WDFY1: variants seen among roughly 807,000 people sequenced by gnomAD.
WDFY1 encodes WD repeat and FYVE domain containing 1.
Under a neutral mutation model 56.4 loss-of-function variants are expected in WDFY1, and 32 were observed. The observed-to-expected ratio is 0.57, with a 90% CI of 0.43 to 0.76. The LOEUF (loss-of-function observed/expected upper bound fraction) is 0.76, where lower values mean the gene tolerates loss of function less well. WDFY1 is among the 30% of genes least tolerant of loss of function. The pLI is 0.00. For synonymous variants in WDFY1, 192 were observed against 197.3 expected (o/e 0.97, Z 0.23); for missense variants, 480 against 545.7 (o/e 0.88, Z 1.20).
intron 1 of WDFY1, among the ~76,000 whole-genome samples, chr2:223,942,943 G>A (rs974705492): frequency 1.3e-5 from 2 of 151,376 alleles, no homozygotes; most frequent in African/African-American, 4.8e-5. Flanking sequence ...AACACTTCGG[G>A]AGGCCAAGGC....
At chr2:223,920,339 G>A (rs754532329) in intron 1 of WDFY1, among the ~76,000 whole-genome samples, 3 of 152,220 alleles carry the variant, frequency 2.0e-5, no homozygotes, top group Admixed American at 1.3e-4. Context: ...AGGCCCATGA[G>A]GGCTGCACAG....
At chr2:223,917,235 A>G (rs1357305314) in intron 2 of WDFY1, among the ~76,000 whole-genome samples, 2 of 152,286 alleles carry the variant, frequency 1.3e-5, no homozygotes, top group East Asian at 3.9e-4. Context: ...CATGTCTCTC[A>G]ATAGGTCCAG....
chr2:223,896,872 G>C (rs565625928), intron 6 of WDFY1, among the ~76,000 whole-genome samples: 2 of 152,110 alleles, frequency 1.3e-5, no homozygotes, highest in East Asian at 3.9e-4. Context: ...AGATAAATAC[G>C]GTCTTTCAGC....
chr2:223,915,252 C>T lies in WDFY1; in HGVS notation c.205+2691G>A, dbSNP rs545240879. Among the ~76,000 whole-genome samples the T allele has an allele frequency of 4.6e-5, 7 of 152,334 alleles. No individual in the cohort carries two copies. In the South Asian group the frequency reaches 1.0e-3, roughly 23 times the overall value. ...TGTGCAGATACAAACATGTAGGTGT[C>T]GACCACCCACTGCGAAGCTGTGTCT... On this transcript the variant is annotated intron_variant, in intron 2 of 11. Transcript: ENST00000233055.
At position 223,918,000 on chromosome 2, in the gene WDFY1, C is replaced by T. The variant is rs1381577334; in HGVS notation, c.148G>A (p.Val50Ile). ...TGACCACTGTCTCTTTTCAGCCATACCCGGATGGTTCTGTGGAGAAAAGAA... is the reference window on the plus strand; with the variant it reads ...TGACCACTGTCTCTTTTCAGCCATATCCGGATGGTTCTGTGGAGAAAAGAA... Reference protein sequence around the residue: ...ITASEDRTIRVWLKRDSGQYW... With the variant: ...ITASEDRTIRIWLKRDSGQYW... The change falls in exon 2 of 12, where the codon GTA becomes ATA. Residue 50 changes from valine to isoleucine, a missense_variant. Val to Ile is a conservative substitution (Grantham distance 29, BLOSUM62 3). Coordinates refer to ENST00000233055, the MANE Select transcript of WDFY1 (RefSeq NM_020830.5). The T allele has an allele frequency of 1.2e-6, 2 of 1,613,870 alleles. No homozygotes were observed. The highest frequency in any genetic ancestry group is 2.2e-5 in the East Asian group (1 of 44,892).
At chr2:223,930,676 A>G (rs1290279368) in intron 1 of WDFY1, among the ~76,000 whole-genome samples, 2 of 152,132 alleles carry the variant, frequency 1.3e-5, no homozygotes. Flanking sequence ...AATGTGGCTG[A>G]ATGGGGTGCT....
chr2:223,894,562 G>A (rs1693329204), intron 7 of WDFY1: 5 of 514,180 alleles, frequency 9.7e-6, no homozygotes, highest in Non-Finnish European at 1.4e-5. Flanking sequence ...CTTTCAAATC[G>A]GTCATTAAGA....
chr2:223,887,403 A>G (rs1057092200), intron 8 of WDFY1, among the ~76,000 whole-genome samples: 1 of 152,254 alleles, frequency 6.6e-6, no homozygotes, highest in African/African-American at 2.4e-5. Flanking sequence ...GTAAGGGCTA[A>G]TATGCTTTAA....
intron 1 of WDFY1, among the ~76,000 whole-genome samples, chr2:223,918,726 GCA>G (rs1559171895): frequency 8.5e-4 from 129 of 151,922 alleles, no homozygotes; most frequent in African/African-American, 3.0e-3. Context: ...CAAATTATGT[GCA>G]CTTGGTGGTT....
intron 1 of WDFY1, among the ~76,000 whole-genome samples, chr2:223,938,115 A>G (rs1689232692): frequency 6.6e-6 from 1 of 152,230 alleles, no homozygotes. Flanking sequence ...GCCTAAGTGC[A>G]ACATCTCAAA....
chr2:223,880,703 T>C (rs998912300), intron 10 of WDFY1, among the ~76,000 whole-genome samples: 1 of 152,044 alleles, frequency 6.6e-6, no homozygotes, highest in African/African-American at 2.4e-5. Flanking sequence ...ACCTTATAAT[T>C]TAATGATGAC....
intron 6 of WDFY1, 26 bp downstream of exon 6, chr2:223,898,932 A>C (rs1693449370): frequency 1.2e-6 from 2 of 1,601,498 alleles, no homozygotes; most frequent in Admixed American, 3.3e-5. Context: ...AGGCAAAAAA[A>C]ACTCTTGGGT....
intron 2 of WDFY1, among the ~76,000 whole-genome samples, chr2:223,917,238 A>G (rs1054523262): frequency 6.6e-6 from 1 of 152,210 alleles, no homozygotes; most frequent in Non-Finnish European, 1.5e-5. Context: ...GTCTCTCAAT[A>G]GGTCCAGAGG....
chr2:223,918,752 G>T (rs940418727), intron 1 of WDFY1, among the ~76,000 whole-genome samples: 1 of 152,150 alleles, frequency 6.6e-6, no homozygotes, highest in Non-Finnish European at 1.5e-5. Flanking sequence ...CGTCTGGGCC[G>T]AGAGGAAGGC....
intron 1 of WDFY1, among the ~76,000 whole-genome samples, chr2:223,918,651 C>T (rs562513686): frequency 3.1e-4 from 46 of 150,572 alleles, no homozygotes; most frequent in Non-Finnish European, 4.3e-4. Context: ...AAAAGAAAAA[C>T]AAATGTTCAT....
In WDFY1 at chr2:223,881,985, C is replaced by A. The variant is rs1359462222; in HGVS notation, c.1021G>T (p.Val341Phe). 1.2e-6 allele frequency: 2 copies of A among 1,614,092 alleles called. No individual in the cohort carries two copies. Among genetic ancestry groups the A allele is most frequent in the Non-Finnish European group, 1.7e-6 (2 of 1,179,956 alleles). Reference protein sequence around the residue: ...SYPVMGFEFQVRVCDSCYDSI... With the variant: ...SYPVMGFEFQFRVCDSCYDSI... Reference sequence around the variant, plus strand: ...TCGTAACAAGAATCACAAACCCGGACTTGGAACTCGAAGCCCATGACTGGG... The same window carrying A: ...TCGTAACAAGAATCACAAACCCGGAATTGGAACTCGAAGCCCATGACTGGG... The change falls in exon 10 of 12, where the codon GTC becomes TTC. Residue 341 changes from valine to phenylalanine, a missense_variant. Val to Phe is a conservative substitution (Grantham distance 50). Transcript: ENST00000233055.
In WDFY1 at chr2:223,878,209, G is replaced by A. The variant is rs1412928678; in HGVS notation, c.*462C>T. On this transcript the variant is annotated 3_prime_UTR_variant, in exon 12 of 12. Coordinates refer to ENST00000233055, the MANE Select transcript of WDFY1 (RefSeq NM_020830.5). ...GTCTCTGGTTTCGTAAGTTCCTAAT[G>A]CCACCCCTCAAGAAAGAGAGAACAA... The A allele has an allele frequency of 6.5e-6, 1 of 153,438 alleles. No individual in the cohort carries two copies. Among genetic ancestry groups the A allele is most frequent in the Non-Finnish European group, 1.4e-5 (1 of 68,992 alleles). 9.5% of individuals were successfully genotyped at this position (153,438 alleles called of 1,614,324 possible). A position where few individuals can be genotyped will look rare whatever the true frequency, so the allele number is the denominator to read the frequency against.
intron 8 of WDFY1, among the ~76,000 whole-genome samples, chr2:223,889,277 G>C (rs1055111441): frequency 1.3e-5 from 2 of 152,142 alleles, no homozygotes; most frequent in African/African-American, 2.4e-5. Context: ...ACAAAGTCTA[G>C]GAGTCAGATC....
intron 5 of WDFY1, 71 bp downstream of exon 5, chr2:223,901,105 CATTTGGG>C: frequency 6.7e-7 from 1 of 1,487,542 alleles, no homozygotes; most frequent in Non-Finnish European, 9.0e-7. Flanking sequence ...AGATCTCAGC[CATTTGGG>C]ATGAGATTCA....
Sources: gnomAD v4.1 joint callset for allele counts (sites outside exome capture counted in the v4.1 genomes callset) on GRCh38, gnomAD v4.1.1 for gene constraint, MANE v1.5 for transcripts, NCBI Gene and HGNC (gene_info 2026-07-23, HGNC 2026-07-21) for gene names.